The following PTPRR variants were observed in gnomAD, a reference collection of about 807,000 sequenced individuals.
PTPRR encodes the protein protein tyrosine phosphatase receptor type R, also known as receptor-type tyrosine-protein phosphatase R.
In PTPRR, 38 loss-of-function variants were observed where a neutral mutation model predicts 77.2. The ratio of observed to expected loss-of-function variants is 0.49; its 90% CI spans 0.38 to 0.65. PTPRR has a LOEUF of 0.65. Among genes scored for constraint, PTPRR ranks in the 30% least tolerant of loss-of-function variants. The pLI is 0.00. For synonymous variants in PTPRR, 299 were observed against 283.1 expected (o/e 1.06, Z -0.57); for missense variants, 744 against 799.2 (o/e 0.93, Z 0.83).
At chr12:70,697,149 T>G (rs1370526249) in intron 8 of PTPRR, among the ~76,000 whole-genome samples, 3 of 152,226 alleles carry the variant, frequency 2.0e-5, no homozygotes, top group Non-Finnish European at 2.9e-5. Context: ...TTTAAGGAAC[T>G]GCCAAACTGT....
intron 8 of PTPRR, among the ~76,000 whole-genome samples, chr12:70,695,739 CAGAG>C (rs763496401): frequency 3.8e-4 from 57 of 151,330 alleles, no homozygotes; most frequent in African/African-American, 1.2e-3. Flanking sequence ...AAAAATTTAA[CAGAG>C]AGAGAGAGAG....
At chr12:70,729,326 GTCTATCTATCTATCTATCTA>G (rs58783163) in intron 6 of PTPRR, among the ~76,000 whole-genome samples, 294 of 151,080 alleles carry the variant, frequency 1.9e-3, no homozygotes, top group African/African-American at 6.3e-3. Context: ...GTATCTATCT[GTCTATCTATCTATCTATCTA>G]TCTATCTATC....
chr12:70,814,309 G>A (rs1410438697), intron 2 of PTPRR, among the ~76,000 whole-genome samples: 1 of 152,082 alleles, frequency 6.6e-6, no homozygotes, highest in Admixed American at 6.5e-5. Flanking sequence ...TAAGGGGGAG[G>A]GCTTGCCCTT....
intron 2 of PTPRR, among the ~76,000 whole-genome samples, chr12:70,890,141 C>T (rs779311085): frequency 4.6e-5 from 7 of 152,236 alleles, no homozygotes; most frequent in Non-Finnish European, 8.8e-5. Flanking sequence ...TCATCTAAAG[C>T]GGTATTTTTT....
chr12:70,734,617 T>C (rs1456116600), intron 6 of PTPRR, among the ~76,000 whole-genome samples: 1 of 152,020 alleles, frequency 6.6e-6, no homozygotes, highest in Non-Finnish European at 1.5e-5. Flanking sequence ...GAGGACTCAG[T>C]GGGACTTATT....
At chr12:70,802,961 A>G (rs1385770121) in intron 2 of PTPRR, among the ~76,000 whole-genome samples, 1 of 152,226 alleles carries the variant, frequency 6.6e-6, no homozygotes, top group Admixed American at 6.5e-5. Context: ...ACTCATGAGA[A>G]TGAGTATTTG....
rs530271513 is a variant in PTPRR at position 70,638,206 on chromosome 12, T to A, written c.*978A>T. On this transcript the variant is annotated 3_prime_UTR_variant, in exon 14 of 14. Coordinates refer to ENST00000283228, the MANE Select transcript of PTPRR (RefSeq NM_002849.4). ...TTTAATTTTTTTTGTCTCTTGAAGA[T>A]TGAAAGCTTTCAGAAATGTAAGGAC... The A allele has an allele frequency of 1.3e-5, 2 of 152,680 alleles. No individual in the cohort carries two copies. Among genetic ancestry groups the A allele is most frequent in the South Asian group, 4.2e-4 (2 of 4,818 alleles). 9.5% of individuals were successfully genotyped at this position (152,680 alleles called of 1,614,324 possible). A position where few individuals can be genotyped will look rare whatever the true frequency, so the allele number is the denominator to read the frequency against.
At chr12:70,642,529 T>C (rs1438253228) in intron 13 of PTPRR, among the ~76,000 whole-genome samples, 1 of 152,176 alleles carries the variant, frequency 6.6e-6, no homozygotes, top group Non-Finnish European at 1.5e-5. Flanking sequence ...TATGAGTAAG[T>C]TGATATCATG....
At chr12:70,823,519 T>A (rs1368207126) in intron 2 of PTPRR, among the ~76,000 whole-genome samples, 6 of 152,230 alleles carry the variant, frequency 3.9e-5, no homozygotes, top group Non-Finnish European at 7.3e-5. Context: ...ACTTATTTTT[T>A]GTTACTGTGT....
intron 2 of PTPRR, among the ~76,000 whole-genome samples, chr12:70,832,559 T>C (rs1892232768): frequency 6.6e-6 from 1 of 152,098 alleles, no homozygotes; most frequent in Non-Finnish European, 1.5e-5. Context: ...ACTTGCATCT[T>C]ACTTGCAGGT....
chr12:70,704,677 T>G (rs1177457513), intron 6 of PTPRR, among the ~76,000 whole-genome samples: 1 of 152,022 alleles, frequency 6.6e-6, no homozygotes, highest in Non-Finnish European at 1.5e-5. Flanking sequence ...TAATAACCAT[T>G]TATATATTAC....
intron 4 of PTPRR, among the ~76,000 whole-genome samples, chr12:70,756,611 A>G (rs1890570195): frequency 6.6e-6 from 1 of 152,148 alleles, no homozygotes. Context: ...TTATTATTTC[A>G]TAGCTACATT....
intron 2 of PTPRR, among the ~76,000 whole-genome samples, chr12:70,845,141 A>G (rs1324629749): frequency 6.6e-6 from 1 of 152,176 alleles, no homozygotes; most frequent in Non-Finnish European, 1.5e-5. Flanking sequence ...TGCAGATCTT[A>G]TGGGCTGCAG....
intron 2 of PTPRR, among the ~76,000 whole-genome samples, chr12:70,786,718 T>A (rs942813417): frequency 2.6e-5 from 4 of 152,248 alleles, no homozygotes; most frequent in African/African-American, 9.6e-5. Context: ...TTCACTTCAA[T>A]GGCTGTAATG....
intron 2 of PTPRR, among the ~76,000 whole-genome samples, chr12:70,830,273 T>C (rs1449558927): frequency 6.6e-6 from 1 of 152,182 alleles, no homozygotes. Flanking sequence ...CTCAAAGTCT[T>C]AGTAGCCTTT....
intron 2 of PTPRR, among the ~76,000 whole-genome samples, chr12:70,780,836 G>A (rs1450350265): frequency 6.6e-6 from 1 of 152,116 alleles, no homozygotes; most frequent in African/African-American, 2.4e-5. Context: ...TGTGTAACTG[G>A]TGCATTTGGA....
intron 6 of PTPRR, among the ~76,000 whole-genome samples, chr12:70,717,537 C>T (rs965878417): frequency 4.6e-5 from 7 of 152,130 alleles, no homozygotes; most frequent in South Asian, 2.1e-4. Flanking sequence ...GCACAAGACT[C>T]GCCCCAGTTA....
chr12:70,862,899 A>C (rs1892778447), intron 2 of PTPRR, among the ~76,000 whole-genome samples: 1 of 152,170 alleles, frequency 6.6e-6, no homozygotes, highest in African/African-American at 2.4e-5. Context: ...CAATCAACTT[A>C]TGTTTTATAA....
Position 70,719,486 on chromosome 12 carries a change from A to G in PTPRR, c.1008-18163T>C, listed in dbSNP as rs183520224. On this transcript the variant is annotated intron_variant, in intron 6 of 13. Coordinates refer to ENST00000283228, the MANE Select transcript of PTPRR (RefSeq NM_002849.4). Reference sequence around the variant, plus strand: ...GACAACCCCTTGACTAAATTACATTAGTAATATAGTTCCTAACAATTTCCT... The same window carrying G: ...GACAACCCCTTGACTAAATTACATTGGTAATATAGTTCCTAACAATTTCCT... 3.9e-5 allele frequency among the ~76,000 whole-genome samples: 6 copies of G among 152,180 alleles called. No individual in the cohort carries two copies. The East Asian group carries it at 1.2e-3, about 29-fold the overall frequency.
Sources: gnomAD v4.1 joint callset for allele counts (sites outside exome capture counted in the v4.1 genomes callset) on GRCh38, gnomAD v4.1.1 for gene constraint, MANE v1.5 for transcripts, NCBI Gene and HGNC (gene_info 2026-07-23, HGNC 2026-07-21) for gene names.